The following TTC28 variants were observed in gnomAD, a reference collection of about 807,000 sequenced individuals.
TTC28 encodes the protein tetratricopeptide repeat domain 28.
In TTC28, 61 loss-of-function variants were observed where a neutral mutation model predicts 198.0. The observed-to-expected ratio is 0.31, with a 90% CI of 0.25 to 0.38. The LOEUF (loss-of-function observed/expected upper bound fraction) is 0.38. TTC28 is among the 10% of genes least tolerant of loss of function. The pLI is 1.00. For missense variants in TTC28, 2,678 were observed against 3,164.0 expected (o/e 0.85, Z 3.69); for synonymous variants, 1,171 against 1,297.8 (o/e 0.90, Z 2.10).
intron 2 of TTC28, among the ~76,000 whole-genome samples, chr22:28,341,035 A>T (rs563001272): frequency 6.6e-6 from 1 of 152,376 alleles, no homozygotes; most frequent in Non-Finnish European, 1.5e-5. Context: ...AAAGGGTACA[A>T]CATGTAGCAT....
chr22:28,160,414 G>T (rs1298531753), intron 6 of TTC28, among the ~76,000 whole-genome samples: 1 of 151,976 alleles, frequency 6.6e-6, no homozygotes, highest in Non-Finnish European at 1.5e-5. Context: ...AGAAATAACA[G>T]AAAAGAATCA....
chr22:28,138,121 G>C (rs997377721), intron 6 of TTC28, among the ~76,000 whole-genome samples: 1 of 152,088 alleles, frequency 6.6e-6, no homozygotes, highest in African/African-American at 2.4e-5. Context: ...AGGAATTTGT[G>C]GACGTATTTT....
intron 2 of TTC28, among the ~76,000 whole-genome samples, chr22:28,591,852 A>C (rs1034170381): frequency 4.6e-5 from 7 of 152,214 alleles, no homozygotes; most frequent in African/African-American, 1.7e-4. Context: ...ATTTTGCTCT[A>C]AGAATTGTGG....
chr22:28,568,158 T>C (rs1324695215), intron 2 of TTC28, among the ~76,000 whole-genome samples: 1 of 152,190 alleles, frequency 6.6e-6, no homozygotes, highest in South Asian at 2.1e-4. Context: ...AGAATTATGA[T>C]ATAATTACAT....
Position 28,679,802 on chromosome 22 carries a change from G to A in TTC28, c.-79C>T, listed in dbSNP as rs1601691014. On this transcript the variant is annotated 5_prime_UTR_variant, in exon 1 of 23. Transcript: ENST00000397906. ...CGCGCGCGCCGGTTCCGCGCGCCAT[G>A]TTCCCGCCGTGCTGCGCGCCGCCGC... The A allele has an allele frequency of 2.7e-6, 2 of 738,034 alleles. No homozygotes were observed. The highest frequency in any genetic ancestry group is 6.7e-5 in the South Asian group (1 of 15,036). The allele number at this position is 738,034 out of a possible 1,614,324, so 45.7% of individuals were successfully genotyped here. A position where few individuals can be genotyped will look rare whatever the true frequency, so the allele number is the denominator to read the frequency against.
intron 12 of TTC28, among the ~76,000 whole-genome samples, chr22:28,071,829 G>A (rs1940990533): frequency 2.0e-5 from 3 of 150,432 alleles, no homozygotes; most frequent in African/African-American, 7.3e-5. Flanking sequence ...GGAAGTGACA[G>A]ATCCTTAAAT....
At chr22:28,300,226 C>T (rs1383610224) in intron 3 of TTC28, among the ~76,000 whole-genome samples, 2 of 152,170 alleles carry the variant, frequency 1.3e-5, no homozygotes, top group African/African-American at 4.8e-5. Context: ...ATGCTTTCAG[C>T]TTTTATTATA....
chr22:28,086,469 A>G (rs1300643762), intron 12 of TTC28, among the ~76,000 whole-genome samples: 1 of 152,178 alleles, frequency 6.6e-6, no homozygotes, highest in Non-Finnish European at 1.5e-5. Flanking sequence ...AACCAATGAG[A>G]ACAAAGACAC....
rs1333687233 is a variant in TTC28 at position 28,038,310 on chromosome 22, C to G, written c.3933-7944G>C. On this transcript the variant is annotated intron_variant, in intron 12 of 22. Transcript: ENST00000397906. ...TAACCAAAACAGCATGGTACTGGTA[C>G]CAAAACAGAGATATAGACCAATGGA... Among the ~76,000 whole-genome samples, 7 of 152,136 alleles carry G rather than the reference C, an allele frequency of 4.6e-5. No individual in the cohort carries two copies. In the East Asian group the frequency reaches 7.7e-4, roughly 17 times the overall value.
intron 2 of TTC28, among the ~76,000 whole-genome samples, chr22:28,620,719 G>C (rs750440073): frequency 1.3e-5 from 2 of 152,188 alleles, no homozygotes; most frequent in Non-Finnish European, 2.9e-5. Context: ...AGGGTGCTCA[G>C]GGCGTTGTGC....
chr22:28,558,171 C>T (rs935476115), intron 2 of TTC28, among the ~76,000 whole-genome samples: 2 of 152,150 alleles, frequency 1.3e-5, no homozygotes, highest in African/African-American at 4.8e-5. Flanking sequence ...GTGAAATACC[C>T]AAATCCTTTC....
chr22:28,651,052 AG>A (rs1485805338), intron 1 of TTC28, among the ~76,000 whole-genome samples: 1 of 152,218 alleles, frequency 6.6e-6, no homozygotes, highest in Non-Finnish European at 1.5e-5. Flanking sequence ...GGGACTCAGT[AG>A]CTGCAACATA....
chr22:28,033,081 A>ATCAT (rs578057806), intron 12 of TTC28, among the ~76,000 whole-genome samples: 13 of 152,174 alleles, frequency 8.5e-5, no homozygotes, highest in Non-Finnish European at 1.6e-4. Flanking sequence ...AAATCGGCTT[A>ATCAT]TCATTCAGCC....
chr22:28,190,447 T>C (rs1924626154), intron 5 of TTC28, among the ~76,000 whole-genome samples: 1 of 152,234 alleles, frequency 6.6e-6, no homozygotes, highest in African/African-American at 2.4e-5. Flanking sequence ...TCTCTGAAGT[T>C]ATTTGGATTC....
chr22:28,614,666 C>T lies in TTC28; in HGVS notation c.381+14886G>A, dbSNP rs193015570. 4.3e-4 allele frequency among the ~76,000 whole-genome samples: 66 copies of T among 152,300 alleles called. 1 individual carries two copies. The East Asian group carries it at 9.8e-3, about 23-fold the overall frequency. Reference sequence around the variant, plus strand: ...ACATCTACAGCCATCTGATCTTTGACAAACCTGACAGCAACAAGCAATGGG... The same window carrying T: ...ACATCTACAGCCATCTGATCTTTGATAAACCTGACAGCAACAAGCAATGGG... On this transcript the variant is annotated intron_variant, in intron 2 of 22. Transcript: ENST00000397906.
At chr22:28,071,454 TCATCATTCTCAGTAAACTATCG>T (rs1447808741) in intron 12 of TTC28, among the ~76,000 whole-genome samples, 1 of 149,278 alleles carries the variant, frequency 6.7e-6, no homozygotes, top group Non-Finnish European at 1.5e-5. Flanking sequence ...AAATTGGAAA[TCATCATTCTCAGTAAACTATCG>T]CAAGAACAAA....
chr22:28,429,955 G>A (rs1157649881), intron 2 of TTC28, among the ~76,000 whole-genome samples: 2 of 151,478 alleles, frequency 1.3e-5, no homozygotes, highest in Non-Finnish European at 2.9e-5. Flanking sequence ...TCTCCCACAA[G>A]AGAATGTGGG....
At chr22:28,015,960 T>C (rs1319099541) in intron 13 of TTC28, among the ~76,000 whole-genome samples, 1 of 151,848 alleles carries the variant, frequency 6.6e-6, no homozygotes, top group Non-Finnish European at 1.5e-5. Flanking sequence ...AATAAATTAT[T>C]TGAAAGATTC....
chr22:28,216,541 T>C (rs1289806356), intron 5 of TTC28, among the ~76,000 whole-genome samples: 3 of 152,036 alleles, frequency 2.0e-5, no homozygotes, highest in South Asian at 2.1e-4. Flanking sequence ...GTAATTCTAG[T>C]GAACTGAATT....
Sources: allele counts gnomAD v4.1 joint callset (sites outside exome capture counted in the v4.1 genomes callset), GRCh38; gene constraint gnomAD v4.1.1; transcripts MANE v1.5; gene names NCBI Gene and HGNC (gene_info 2026-07-23, HGNC 2026-07-21).